PDE3B: variants seen among roughly 807,000 people sequenced by gnomAD.
PDE3B encodes the protein phosphodiesterase 3B, also known as cGMP-inhibited 3',5'-cyclic phosphodiesterase 3B.
A neutral mutation model predicts 116.8 loss-of-function variants in PDE3B; 66 were observed. The observed-to-expected ratio is 0.56, with a 90% CI of 0.46 to 0.69. The LOEUF (loss-of-function observed/expected upper bound fraction) is 0.69. Among genes scored for constraint, PDE3B ranks in the 30% least tolerant of loss-of-function variants. The pLI is 0.00. For synonymous variants in PDE3B, 595 were observed against 533.6 expected, an observed-to-expected ratio of 1.12 and a Z score of -1.59; for missense variants, 1,384 against 1,368.1, an observed-to-expected ratio of 1.01 and a Z score of -0.18.
At chr11:14,712,920 A>C (rs756694595) in intron 1 of PDE3B, among the ~76,000 whole-genome samples, 14 of 152,268 alleles carry the variant, frequency 9.2e-5, no homozygotes, top group Non-Finnish European at 2.1e-4. Flanking sequence ...TATCTTAAAT[A>C]GTGAACTGTT....
chr11:14,864,572 T>A lies in PDE3B; in HGVS notation c.2887-2934T>A, dbSNP rs906610958. Among the ~76,000 whole-genome samples the A allele has an allele frequency of 7.9e-5, 12 of 152,202 alleles. No homozygotes were observed. In the East Asian group the frequency reaches 2.3e-3, roughly 29 times the overall value. ...TGGAAGTAAAACACTCCTCAGCAAATGTAAAAGAATGGAAATCATAAACAG... is the reference window on the plus strand; with the variant it reads ...TGGAAGTAAAACACTCCTCAGCAAAAGTAAAAGAATGGAAATCATAAACAG... On this transcript the variant is annotated intron_variant, in intron 14 of 15. Transcript: ENST00000282096.
intron 11 of PDE3B, 78 bp downstream of exon 11, chr11:14,835,173 C>A: frequency 1.1e-6 from 1 of 899,454 alleles, no homozygotes; most frequent in Admixed American, 2.7e-5. Context: ...TACCTCTGTT[C>A]TTTTAAGTTT....
rs183381588 is a variant in PDE3B at position 14,816,543 on chromosome 11, A to T, written c.1523-1640A>T. Among the ~76,000 whole-genome samples the T allele has an allele frequency of 3.3e-5, 5 of 152,296 alleles. No homozygotes were observed. The East Asian group carries it at 9.6e-4, about 29-fold the overall frequency. On this transcript the variant is annotated intron_variant, in intron 5 of 15. Coordinates refer to ENST00000282096, the MANE Select transcript of PDE3B (RefSeq NM_000922.4). ...ATAGACAGAATTATAGACTCATCTT[A>T]TGTGTTCCTGAAGCACTCTGTTTTG...
intron 5 of PDE3B, among the ~76,000 whole-genome samples, chr11:14,813,443 G>T (rs991002219): frequency 6.6e-6 from 1 of 152,090 alleles, no homozygotes; most frequent in African/African-American, 2.4e-5. Flanking sequence ...GAATCCTGAC[G>T]CTGCCATCTC....
At chr11:14,753,277 G>A (rs2133878114) in intron 1 of PDE3B, among the ~76,000 whole-genome samples, 1 of 152,178 alleles carries the variant, frequency 6.6e-6, no homozygotes, top group South Asian at 2.1e-4. Context: ...AGTCACCGAG[G>A]ATAAAGAAGG....
At chr11:14,730,112 A>G (rs1359847670) in intron 1 of PDE3B, among the ~76,000 whole-genome samples, 1 of 152,170 alleles carries the variant, frequency 6.6e-6, no homozygotes, top group Non-Finnish European at 1.5e-5. Flanking sequence ...ACGTTAGCCA[A>G]TGAATGCTGT....
intron 11 of PDE3B, among the ~76,000 whole-genome samples, chr11:14,838,571 C>T (rs1860132631): frequency 6.6e-6 from 1 of 152,190 alleles, no homozygotes; most frequent in Admixed American, 6.5e-5. Flanking sequence ...GTAATTACCT[C>T]ACTTGAGATT....
chr11:14,651,532 G>T (rs539059899), intron 1 of PDE3B, among the ~76,000 whole-genome samples: 1 of 152,080 alleles, frequency 6.6e-6, no homozygotes, highest in Admixed American at 6.6e-5. Flanking sequence ...TTATATTTTT[G>T]CTATCAGTGA....
At chr11:14,696,979 C>G (rs564345450) in intron 1 of PDE3B, among the ~76,000 whole-genome samples, 2 of 152,082 alleles carry the variant, frequency 1.3e-5, no homozygotes, top group East Asian at 1.9e-4. Flanking sequence ...CTCTGTCACT[C>G]AGGTTGGAGT....
chr11:14,891,593 C>A, the PDE3B span: 2 of 1,050,072 alleles, frequency 1.9e-6, no homozygotes, highest in Non-Finnish European at 2.3e-6. Flanking sequence ...GCAGCTTCCA[C>A]AGAGCTGCGA....
intron 12 of PDE3B, among the ~76,000 whole-genome samples, chr11:14,850,004 C>CT (rs1205081037): frequency 6.6e-6 from 1 of 152,016 alleles, no homozygotes; most frequent in African/African-American, 2.4e-5. Flanking sequence ...ACCCAAAGGA[C>CT]TATAAATCAT....
At chr11:14,824,291 G>A (rs1361218826) in intron 7 of PDE3B, among the ~76,000 whole-genome samples, 1 of 152,196 alleles carries the variant, frequency 6.6e-6, no homozygotes, top group Non-Finnish European at 1.5e-5. Flanking sequence ...TAACCAGGCT[G>A]AGCTGGCTGA....
intron 1 of PDE3B, among the ~76,000 whole-genome samples, chr11:14,706,712 T>G (rs537480380): frequency 6.6e-6 from 1 of 152,082 alleles, no homozygotes; most frequent in East Asian, 1.9e-4. Flanking sequence ...AGATCATAGG[T>G]GAAATTGTAC....
At chr11:14,769,671 ATATAT>A (rs1285928666) in intron 1 of PDE3B, among the ~76,000 whole-genome samples, 7 of 147,574 alleles carry the variant, frequency 4.7e-5, no homozygotes, top group South Asian at 2.1e-4. Flanking sequence ...TTATATATAC[ATATAT>A]TATATATATG....
At position 14,756,469 on chromosome 11, in the gene PDE3B, C is replaced by T. The variant is rs146988041; in HGVS notation, c.979-15468C>T. Among the ~76,000 whole-genome samples the T allele has an allele frequency of 4.5e-4, 68 of 152,276 alleles. No homozygotes were observed. In the South Asian group the frequency reaches 6.0e-3, roughly 13 times the overall value. Reference sequence around the variant, plus strand: ...GAGGAATCCAACTACTGTCAACCCACGCTGTCCAGAAAGGAGGTGATACCC... The same window carrying T: ...GAGGAATCCAACTACTGTCAACCCATGCTGTCCAGAAAGGAGGTGATACCC... On this transcript the variant is annotated intron_variant, in intron 1 of 15. Coordinates refer to ENST00000282096, the MANE Select transcript of PDE3B (RefSeq NM_000922.4).
At chr11:14,891,803 G>A in the PDE3B span, 259 of 1,408,644 alleles carry the variant, frequency 1.8e-4, no homozygotes, top group Non-Finnish European at 2.4e-4. Flanking sequence ...AAGGGGGCAC[G>A]GCGTCGAGGA....
chr11:14,857,967 G>T (rs1188447279), intron 12 of PDE3B, among the ~76,000 whole-genome samples: 1 of 152,160 alleles, frequency 6.6e-6, no homozygotes, highest in Non-Finnish European at 1.5e-5. Context: ...ATAATGTTTA[G>T]AAGTTGTATT....
intron 1 of PDE3B, among the ~76,000 whole-genome samples, chr11:14,734,160 C>T (rs1856535340): frequency 1.3e-5 from 2 of 152,186 alleles, no homozygotes; most frequent in East Asian, 1.9e-4. Context: ...TAGCTTTGGC[C>T]TCCCAGGCTC....
intron 1 of PDE3B, among the ~76,000 whole-genome samples, chr11:14,735,958 T>TTTGTG (rs1554987380): frequency 7.0e-6 from 1 of 142,926 alleles, no homozygotes; most frequent in Non-Finnish European, 1.5e-5. Flanking sequence ...GAATAATAGG[T>TTTGTG]TGTGTGTGTG....
Sources: allele counts gnomAD v4.1 joint callset (sites outside exome capture counted in the v4.1 genomes callset), GRCh38; gene constraint gnomAD v4.1.1; transcripts MANE v1.5; gene names NCBI Gene and HGNC (gene_info 2026-07-23, HGNC 2026-07-21).